Variants in CALCR observed in about 807,000 individuals in gnomAD.
CALCR encodes the protein calcitonin receptor.
In CALCR, 47 loss-of-function variants were observed where a neutral mutation model predicts 59.5. The observed-to-expected ratio is 0.79, with a 90% CI of 0.63 to 1.01. CALCR has a LOEUF of 1.01. Among genes scored for constraint, CALCR ranks in the 50% least tolerant of loss-of-function variants. The pLI, the probability that CALCR is intolerant of heterozygous loss-of-function variation, is 0.00. For synonymous variants in CALCR, 213 were observed against 211.3 expected (o/e 1.01, Z -0.07); for missense variants, 566 against 597.1 (o/e 0.95, Z 0.54).
At chr7:93,446,165 C>A (rs543509708) in intron 8 of CALCR, among the ~76,000 whole-genome samples, 9 of 151,910 alleles carry the variant, frequency 5.9e-5, no homozygotes, top group Non-Finnish European at 7.4e-5. Flanking sequence ...TGAGAATTGA[C>A]CATATTTGGG....
intron 2 of CALCR, among the ~76,000 whole-genome samples, chr7:93,573,503 C>A (rs1405701012): frequency 6.6e-6 from 1 of 152,200 alleles, no homozygotes; most frequent in East Asian, 1.9e-4. Flanking sequence ...TCTCTTCTTG[C>A]ATATGTCACA....
chr7:93,438,131 A>G lies in CALCR; in HGVS notation c.864-5T>C. On this transcript the variant is annotated splice_polypyrimidine_tract_variant and splice_region_variant and intron_variant, in intron 10 of 13. Transcript: ENST00000426151. The stretch of plus-strand genomic sequence containing the variant: ...GTTTCCACACTCAGCCAGCAGCTGA[A>G]AAAGGGCAAGGGGACAATTAATACA... 1 of 1,613,920 alleles carries G rather than the reference A, an allele frequency of 6.2e-7. No homozygotes were observed. Among genetic ancestry groups the G allele is most frequent in the South Asian group, 1.1e-5 (1 of 91,078 alleles).
intron 2 of CALCR, among the ~76,000 whole-genome samples, chr7:93,517,788 T>A (rs546295499): frequency 1.3e-5 from 2 of 151,974 alleles, no homozygotes; most frequent in East Asian, 3.9e-4. Flanking sequence ...CAATCCAAGA[T>A]AAGGAAACCT....
At chr7:93,482,302 C>G (rs61587009) in intron 3 of CALCR, among the ~76,000 whole-genome samples, 5 of 151,776 alleles carry the variant, frequency 3.3e-5, no homozygotes, top group African/African-American at 1.2e-4. Context: ...ATTGGTTCAA[C>G]TTATACATTT....
At chr7:93,564,907 G>T (rs773415164) in intron 2 of CALCR, among the ~76,000 whole-genome samples, 16 of 152,200 alleles carry the variant, frequency 1.1e-4, no homozygotes, top group Non-Finnish European at 1.8e-4. Context: ...GACTCAAACA[G>T]TGAGGCTTTT....
chr7:93,561,821 C>A (rs1419725720), intron 2 of CALCR, among the ~76,000 whole-genome samples: 1 of 152,090 alleles, frequency 6.6e-6, no homozygotes, highest in Non-Finnish European at 1.5e-5. Context: ...CCTGAAAAAT[C>A]ACAGGCTGTT....
chr7:93,461,380 T>G lies in CALCR; in HGVS notation c.522-433A>C, dbSNP rs868354252. Among the ~76,000 whole-genome samples, 18 of 152,310 alleles carry G rather than the reference T, an allele frequency of 1.2e-4. No homozygotes were observed. In the South Asian group the frequency reaches 3.7e-3, roughly 32 times the overall value. ...CAGAGCGTGAAGTCAGAACCAAGGC[T>G]GCCTGTGACAAGGTACTGAATCTAT... On this transcript the variant is annotated intron_variant, in intron 7 of 13. Transcript: ENST00000426151.
At chr7:93,490,511 C>G (rs934376260) in intron 2 of CALCR, among the ~76,000 whole-genome samples, 5 of 151,710 alleles carry the variant, frequency 3.3e-5, no homozygotes, top group East Asian at 1.9e-4. Flanking sequence ...AATACCCCAT[C>G]ATCTCAGCCC....
At chr7:93,496,023 C>G in intron 2 of CALCR, 1 of 1,021,086 alleles carries the variant, frequency 9.8e-7, no homozygotes, top group Non-Finnish European at 1.4e-6. Flanking sequence ...AATGATTGAA[C>G]AGAATGTCTT....
In CALCR at chr7:93,547,506, A is replaced by G. The variant is rs571826178; in HGVS notation, c.-27+26783T>C. On this transcript the variant is annotated intron_variant, in intron 2 of 13. Coordinates refer to ENST00000426151, the MANE Select transcript of CALCR (RefSeq NM_001742.4). The stretch of plus-strand genomic sequence containing the variant: ...GTAGGTGGCTTTGTCCATGAAAACC[A>G]CATTTGTACTAATACTCATTCAACA... 2.0e-5 allele frequency among the ~76,000 whole-genome samples: 3 copies of G among 152,298 alleles called. 1 individual carries two copies. Among genetic ancestry groups the G allele is most frequent in the African/African-American group, 7.2e-5 (3 of 41,562 alleles).
At chr7:93,567,723 C>A (rs1789898742) in intron 2 of CALCR, among the ~76,000 whole-genome samples, 2 of 151,842 alleles carry the variant, frequency 1.3e-5, no homozygotes, top group Non-Finnish European at 1.5e-5. Flanking sequence ...CCAACAGGCC[C>A]CAGTGTGTGA....
At chr7:93,444,509 G>C (rs1388910521) in intron 8 of CALCR, among the ~76,000 whole-genome samples, 1 of 152,010 alleles carries the variant, frequency 6.6e-6, no homozygotes, top group African/African-American at 2.4e-5. Context: ...TAGCATTTTG[G>C]AGTAGATTTT....
chr7:93,427,690 A>G (rs372001110), intron 13 of CALCR, among the ~76,000 whole-genome samples: 1 of 152,168 alleles, frequency 6.6e-6, no homozygotes, highest in Admixed American at 6.5e-5. Context: ...AGCAAAACTG[A>G]TTAATGTTAT....
At chr7:93,465,353 C>G (rs1308628141) in intron 7 of CALCR, among the ~76,000 whole-genome samples, 7 of 151,934 alleles carry the variant, frequency 4.6e-5, no homozygotes, top group African/African-American at 1.4e-4. Flanking sequence ...AGGGTATCTT[C>G]ATTTTAGCTC....
intron 2 of CALCR, among the ~76,000 whole-genome samples, chr7:93,572,775 T>C (rs1790037406): frequency 6.6e-6 from 1 of 152,206 alleles, no homozygotes; most frequent in African/African-American, 2.4e-5. Flanking sequence ...GCTATTTCTT[T>C]TTAACTTTGA....
chr7:93,505,474 G>C (rs1801406032), intron 2 of CALCR, among the ~76,000 whole-genome samples: 1 of 152,144 alleles, frequency 6.6e-6, no homozygotes, highest in South Asian at 2.1e-4. Context: ...CCAAGACTCA[G>C]GGAGGAGAAA....
intron 2 of CALCR, chr7:93,495,938 G>T (rs1801191985): frequency 5.9e-6 from 9 of 1,528,038 alleles, no homozygotes; most frequent in South Asian, 1.2e-5. Context: ...GCATCCTGGG[G>T]TGGCAAAAGT....
At chr7:93,563,646 T>C (rs1789796814) in intron 2 of CALCR, among the ~76,000 whole-genome samples, 1 of 152,180 alleles carries the variant, frequency 6.6e-6, no homozygotes, top group African/African-American at 2.4e-5. Flanking sequence ...AAATCGCTAT[T>C]TAATTCTCTT....
chr7:93,540,231 C>T (rs1352410102), intron 2 of CALCR, among the ~76,000 whole-genome samples: 2 of 152,126 alleles, frequency 1.3e-5, no homozygotes, highest in African/African-American at 2.4e-5. Flanking sequence ...GAAACAGTTG[C>T]ATGTGTATAT....
Sources: gnomAD v4.1 joint callset for allele counts (sites outside exome capture counted in the v4.1 genomes callset) on GRCh38, gnomAD v4.1.1 for gene constraint, MANE v1.5 for transcripts, NCBI Gene and HGNC (gene_info 2026-07-23, HGNC 2026-07-21) for gene names.